Variants in PPARD observed in about 807,000 individuals in gnomAD.
The protein encoded by PPARD is peroxisome proliferator-activated receptor delta.
PPARD carries 6 observed loss-of-function variants against 39.5 expected under a neutral mutation model. That is an observed-to-expected ratio of 0.15 (90% CI 0.08 to 0.30). PPARD has a LOEUF of 0.30. PPARD is among the 10% of genes least tolerant of loss of function. The pLI is 1.00. For missense variants in PPARD, 397 were observed against 596.8 expected, an observed-to-expected ratio of 0.67 and a Z score of 3.49; for synonymous variants, 210 against 231.3, an observed-to-expected ratio of 0.91 and a Z score of 0.83.
Position 35,424,583 on chromosome 6 carries a change from G to A in PPARD, c.882G>A (p.Leu294=), listed in dbSNP as rs768255316. The change falls in exon 7 of 8, where the codon CTG becomes CTA. Residue 294 remains leucine, a synonymous_variant. Coordinates refer to ENST00000360694, the MANE Select transcript of PPARD (RefSeq NM_006238.5). The surrounding 1 kb of genome is among the most constrained non-coding windows in gnomAD (Gnocchi z 7.1). ...YGVHEAIFAM[L]ASIVNKDGLL... ...TGCACGAGGCCATCTTCGCCATGCT[G>A]GCCTCTATCGTCAACAAGGACGGGC... is the stretch of plus-strand genomic sequence containing the variant. 1 of 1,614,268 alleles carries A rather than the reference G, an allele frequency of 6.2e-7. No homozygotes were observed. The highest frequency in any genetic ancestry group is 1.7e-5 in the Admixed American group (1 of 60,034).
chr6:35,367,491 T>C (rs1394414104), intron 2 of PPARD, among the ~76,000 whole-genome samples: 2 of 152,144 alleles, frequency 1.3e-5, no homozygotes, highest in Admixed American at 6.5e-5. Flanking sequence ...CCCTATCTGA[T>C]TGATGAGGAA....
chr6:35,420,363 T>G (rs1581669564), intron 4 of PPARD, 82 bp downstream of exon 4: 2 of 1,483,570 alleles, frequency 1.3e-6, no homozygotes, highest in Admixed American at 2.4e-5. Flanking sequence ...TTTCCTTGCC[T>G]TGGGGTGGGG....
At chr6:35,388,668 C>T (rs1469929260) in intron 2 of PPARD, among the ~76,000 whole-genome samples, 3 of 151,630 alleles carry the variant, frequency 2.0e-5, no homozygotes, top group Admixed American at 6.6e-5. Context: ...GCCGAGATCG[C>T]GCCACTGCAC....
intron 2 of PPARD, among the ~76,000 whole-genome samples, chr6:35,380,117 G>T (rs1027394859): frequency 1.3e-5 from 2 of 152,224 alleles, no homozygotes; most frequent in Non-Finnish European, 2.9e-5. Flanking sequence ...AGAGGAAAAT[G>T]TAGCAAATTG....
At chr6:35,372,885 T>G (rs559999710) in intron 2 of PPARD, among the ~76,000 whole-genome samples, 1 of 152,354 alleles carries the variant, frequency 6.6e-6, no homozygotes, top group South Asian at 2.1e-4. Flanking sequence ...CATACCTGTC[T>G]TAGTCTGTGC....
At chr6:35,402,984 AAGG>A (rs2150738528) in intron 2 of PPARD, among the ~76,000 whole-genome samples, 1 of 152,230 alleles carries the variant, frequency 6.6e-6, no homozygotes, top group South Asian at 2.1e-4. Flanking sequence ...GTATGGGAGG[AAGG>A]AGGTGACAGC....
chr6:35,346,533 T>C (rs759708437), intron 1 of PPARD, among the ~76,000 whole-genome samples: 1 of 152,134 alleles, frequency 6.6e-6, no homozygotes, highest in Non-Finnish European at 1.5e-5. Context: ...GGAGCCAGGG[T>C]GAGGAGCTGC....
At chr6:35,410,880 C>T in intron 2 of PPARD, 107 bp from the exon 3 acceptor site, 5 of 1,217,712 alleles carry the variant, frequency 4.1e-6, no homozygotes, top group Admixed American at 4.2e-5. Context: ...GGAGCAGGAG[C>T]AGAAGAACCC....
At chr6:35,416,949 C>T (rs1765811463) in intron 3 of PPARD, among the ~76,000 whole-genome samples, 1 of 151,920 alleles carries the variant, frequency 6.6e-6, no homozygotes, top group African/African-American at 2.4e-5. Flanking sequence ...TTACACCTTA[C>T]CTTTCCTTGT....
chr6:35,377,882 T>TTTTTTTTTTTTTTTTTTTTA (rs1400990915), intron 2 of PPARD, among the ~76,000 whole-genome samples: 1 of 149,604 alleles, frequency 6.7e-6, no homozygotes, highest in Non-Finnish European at 1.5e-5. Context: ...TTTTTTTTTT[T>TTTTTTTTTTTTTTTTTTTTA]GAGACAGAGT....
intron 3 of PPARD, among the ~76,000 whole-genome samples, chr6:35,415,905 T>C (rs920024437): frequency 2.0e-5 from 3 of 152,056 alleles, no homozygotes; most frequent in Middle Eastern, 6.8e-3. Context: ...GGGAAGTTGA[T>C]GTTGCAGCTC....
intron 2 of PPARD, among the ~76,000 whole-genome samples, chr6:35,374,384 GC>G (rs1762675571): frequency 6.6e-6 from 1 of 151,984 alleles, no homozygotes; most frequent in Non-Finnish European, 1.5e-5. Context: ...TGGGCCAGGC[GC>G]GGTGGCTCAT....
chr6:35,345,431 G>A (rs1792111706), intron 1 of PPARD, among the ~76,000 whole-genome samples: 1 of 152,042 alleles, frequency 6.6e-6, no homozygotes, highest in Non-Finnish European at 1.5e-5. Context: ...GACTACAGGT[G>A]CACACCACCA....
chr6:35,424,733 T>C lies in PPARD; in HGVS notation c.1032T>C (p.Asp344=). The C allele has an allele frequency of 6.2e-7, 1 of 1,614,258 alleles. No homozygotes were observed. The highest frequency in any genetic ancestry group is 8.5e-7 in the Non-Finnish European group (1 of 1,180,048). The change falls in exon 7 of 8, where the codon GAT becomes GAC. Residue 344 remains aspartate, a synonymous_variant. Coordinates refer to ENST00000360694, the MANE Select transcript of PPARD (RefSeq NM_006238.5). The surrounding 1 kb of genome is among the most constrained non-coding windows in gnomAD (Gnocchi z 7.1). The part of the protein sequence containing the change: ...FAVKFNALEL[D]DSDLALFIAA... ...TCAAGTTCAACGCCCTGGAACTTGATGACAGTGACCTGGCCCTATTCATTG... is the reference window on the plus strand; with the variant it reads ...TCAAGTTCAACGCCCTGGAACTTGACGACAGTGACCTGGCCCTATTCATTG...
At chr6:35,364,590 C>T (rs549410111) in intron 2 of PPARD, among the ~76,000 whole-genome samples, 11 of 151,610 alleles carry the variant, frequency 7.3e-5, no homozygotes, top group African/African-American at 2.4e-4. Context: ...CATGCCACCA[C>T]GCCTGGCTAA....
At chr6:35,346,209 T>C (rs1480682755) in intron 1 of PPARD, among the ~76,000 whole-genome samples, 1 of 152,188 alleles carries the variant, frequency 6.6e-6, no homozygotes, top group Admixed American at 6.5e-5. Context: ...GCTTCAGCTA[T>C]ATCCTGTCCC....
At position 35,415,172 on chromosome 6, in the gene PPARD, G is replaced by A. The variant is rs113226078; in HGVS notation, c.130+3955G>A. ...TGGGCATCAGGCTGGGCCCAGCACT[G>A]TGCCCAGGGCTGGCCATACAGTGGT... On this transcript the variant is annotated intron_variant, in intron 3 of 7. Coordinates refer to ENST00000360694, the MANE Select transcript of PPARD (RefSeq NM_006238.5). Among the ~76,000 whole-genome samples the A allele has an allele frequency of 9.8e-4, 149 of 152,328 alleles. 1 individual carries two copies. The highest frequency in any genetic ancestry group is 3.5e-3 in the African/African-American group (144 of 41,580).
Position 35,387,716 on chromosome 6 carries a change from C to CTTTTTTTT in PPARD, c.-101-23255_-101-23248dup, listed in dbSNP as rs61314141. Among the ~76,000 whole-genome samples, 29 of 89,316 alleles carry CTTTTTTTT rather than the reference C, an allele frequency of 3.2e-4. 1 individual carries two copies. Among genetic ancestry groups the CTTTTTTTT allele is most frequent in the African/African-American group, 5.5e-4 (11 of 19,892 alleles). 58.6% of individuals were successfully genotyped at this position (89,316 alleles called of 152,430 possible). A position where few individuals can be genotyped will look rare whatever the true frequency, so the allele number is the denominator to read the frequency against. On this transcript the variant is annotated intron_variant, in intron 2 of 7. Transcript: ENST00000360694. The stretch of plus-strand genomic sequence containing the variant: ...TCAGCATATACAGATACACTGCATT[C>CTTTTTTTT]TTTTTTTTTTTTTTTTTTTTTTTGA...
chr6:35,384,440 G>A (rs1763432168), intron 2 of PPARD, among the ~76,000 whole-genome samples: 1 of 115,382 alleles, frequency 8.7e-6, no homozygotes, highest in Non-Finnish European at 1.7e-5. Context: ...GGAGGTGGCG[G>A]GGTCAGCCCC....
Sources: gnomAD v4.1 joint callset for allele counts (sites outside exome capture counted in the v4.1 genomes callset) on GRCh38, gnomAD v4.1.1 for gene constraint, Gnocchi (gnomAD v3.1) non-coding constraint, MANE v1.5 for transcripts, NCBI Gene and HGNC (gene_info 2026-07-23, HGNC 2026-07-21) for gene names.